SRR: variants seen among roughly 807,000 people sequenced by gnomAD.
The protein encoded by SRR is serine racemase.
SRR carries 19 observed loss-of-function variants against 32.7 expected under a neutral mutation model. That is an observed-to-expected ratio of 0.58 (90% CI 0.40 to 0.85). The LOEUF is 0.85. Ranked by LOEUF, SRR falls within the 40% of genes least tolerant of loss-of-function variation. SRR has a pLI of 0.00. For synonymous variants in SRR, 142 were observed against 140.9 expected, an observed-to-expected ratio of 1.01 and a Z score of -0.06; for missense variants, 373 against 404.7, an observed-to-expected ratio of 0.92 and a Z score of 0.67.
chr17:2,318,291 C>T (rs1046261892), intron 3 of SRR, among the ~76,000 whole-genome samples: 6 of 151,432 alleles, frequency 4.0e-5, no homozygotes, highest in African/African-American at 1.5e-4. Flanking sequence ...ACTACAGGTG[C>T]GCACCACCAC....
chr17:2,320,316 C>T (rs564534262), intron 4 of SRR, among the ~76,000 whole-genome samples: 25 of 127,854 alleles, frequency 2.0e-4, no homozygotes, highest in African/African-American at 7.2e-4. Flanking sequence ...AGTGCAGCGG[C>T]ACAATCTCGG....
At chr17:2,304,848 T>A (rs981511864) in intron 1 of SRR, among the ~76,000 whole-genome samples, 1 of 152,226 alleles carries the variant, frequency 6.6e-6, no homozygotes, top group Non-Finnish European at 1.5e-5. Flanking sequence ...GTTGACTTTT[T>A]AATTTCCCAT....
intron 4 of SRR, among the ~76,000 whole-genome samples, 199 bp downstream of exon 4, chr17:2,319,128 C>A (rs769209544): frequency 2.6e-5 from 4 of 152,116 alleles, no homozygotes; most frequent in Non-Finnish European, 5.9e-5. Context: ...TCTAACAACA[C>A]CAACTCCAAC....
chr17:2,324,423 A>G lies in SRR; in HGVS notation c.*550A>G. On this transcript the variant is annotated 3_prime_UTR_variant, in exon 8 of 8. Coordinates refer to ENST00000344595, the MANE Select transcript of SRR (RefSeq NM_021947.3). ...GGTCAAATTAAAAGTAGAAAATTTT[A>G]AAGCAATGACTTCCAACCCAACAGT... The G allele has an allele frequency of 1.2e-6, 2 of 1,603,318 alleles. No homozygotes were observed. The highest frequency in any genetic ancestry group is 1.7e-6 in the Non-Finnish European group (2 of 1,175,394).
chr17:2,303,516 T>C, upstream of SRR: 2 of 1,332,854 alleles, frequency 1.5e-6, no homozygotes, highest in Non-Finnish European at 1.9e-6. Context: ...CAGCGCCTAC[T>C]GCTGGGGGAA....
At chr17:2,314,005 T>C (rs578218528) in intron 1 of SRR, among the ~76,000 whole-genome samples, 2 of 152,264 alleles carry the variant, frequency 1.3e-5, no homozygotes, top group African/African-American at 2.4e-5. Context: ...TAAGGAAAAA[T>C]AGAGAAACTT....
chr17:2,325,214 A>T lies in SRR; in HGVS notation c.*1341A>T, dbSNP rs2075568828. On this transcript the variant is annotated 3_prime_UTR_variant, in exon 8 of 8. Coordinates refer to ENST00000344595, the MANE Select transcript of SRR (RefSeq NM_021947.3). Reference sequence around the variant, plus strand: ...AAACCATCATTACCTTCTCCATACCATTTGGCTCCCAAATTTAAATAAACA... The same window carrying T: ...AAACCATCATTACCTTCTCCATACCTTTTGGCTCCCAAATTTAAATAAACA... The T allele has an allele frequency of 2.1e-6, 2 of 943,578 alleles. No individual in the cohort carries two copies. The highest frequency in any genetic ancestry group is 4.9e-5 in the Admixed American group (2 of 40,610). 58.5% of individuals were successfully genotyped at this position (943,578 alleles called of 1,614,324 possible).
At position 2,321,371 on chromosome 17, in the gene SRR, G is replaced by A. The variant is rs1371262445; in HGVS notation, c.465G>A (p.Gln155=). The A allele has an allele frequency of 6.2e-7, 1 of 1,612,426 alleles. No homozygotes were observed. Among genetic ancestry groups the A allele is most frequent in the Non-Finnish European group, 8.5e-7 (1 of 1,179,566 alleles). Residue 155 remains glutamine, a synonymous_variant, in exon 5 of 8, where the codon CAG becomes CAA. Coordinates refer to ENST00000344595, the MANE Select transcript of SRR (RefSeq NM_021947.3). ...AAGGCATCATGGTACATCCCAACCA[G>A]GAGCCTGCAGTGATAGCTGGACAAG... ...ETEGIMVHPN[Q]EPAVIAGQGT...
chr17:2,303,691 G>A (rs2075343786), upstream of SRR: 6 of 1,496,970 alleles, frequency 4.0e-6, no homozygotes, highest in African/African-American at 4.3e-5. Flanking sequence ...CCGACGCGGA[G>A]ATCCGCACAC....
At chr17:2,307,824 A>G (rs543732070) in intron 1 of SRR, 2 of 679,648 alleles carry the variant, frequency 2.9e-6, no homozygotes, top group Non-Finnish European at 5.4e-6. Context: ...GGCAGGGCCT[A>G]GCTGCTACAA....
At position 2,321,351 on chromosome 17, in the gene SRR, A is replaced by C. The variant is rs748283499; in HGVS notation, c.445A>C (p.Ile149Leu). 6.2e-7 allele frequency: 1 copy of C among 1,613,538 alleles called. No homozygotes were observed. The highest frequency in any genetic ancestry group is 8.5e-7 in the Non-Finnish European group (1 of 1,179,858). The stretch of plus-strand genomic sequence containing the variant: ...AAGAGTTACAGAAGAAACAGAAGGC[A>C]TCATGGTACATCCCAACCAGGAGCC... ...AKRVTEETEG[I>L]MVHPNQEPAV... Residue 149 changes from isoleucine (I) to leucine (L), a missense_variant, in exon 5 of 8, where the codon ATC becomes CTC. By Grantham distance (5) the Ile-to-Leu change is conservative. Coordinates refer to ENST00000344595, the MANE Select transcript of SRR (RefSeq NM_021947.3).
chr17:2,323,189 C>T lies in SRR; in HGVS notation c.648C>T (p.Asp216=), dbSNP rs1326078851. Residue 216 remains aspartate, a synonymous_variant, in exon 7 of 8, where the codon GAC becomes GAT. Coordinates refer to ENST00000344595, the MANE Select transcript of SRR (RefSeq NM_021947.3). ...VYAAEPSNAD[D]CYQSKLKGKL... is the part of the protein sequence containing the mutation. ...CTGCTGAACCCTCAAATGCAGATGA[C>T]TGCTACCAGTCCAAGCTGAAGGGGA... The T allele has an allele frequency of 6.2e-7, 1 of 1,614,214 alleles. No individual in the cohort carries two copies. Among genetic ancestry groups the T allele is most frequent in the Non-Finnish European group, 8.5e-7 (1 of 1,180,048 alleles).
chr17:2,312,782 A>G lies in SRR; in HGVS notation c.-4-2775A>G, dbSNP rs568885977. Among the ~76,000 whole-genome samples, 4 of 152,294 alleles carry G rather than the reference A, an allele frequency of 2.6e-5. No homozygotes were observed. In the East Asian group the frequency reaches 5.8e-4, roughly 22 times the overall value. On this transcript the variant is annotated intron_variant, in intron 1 of 7. Transcript: ENST00000344595. ...TAGAAATATGTATGCCTTTTGATAC[A>G]AAATACCATTTGGTGAAATCTACCC... is the stretch of plus-strand genomic sequence containing the variant.
At chr17:2,306,764 C>G in intron 1 of SRR, 2 of 645,928 alleles carry the variant, frequency 3.1e-6, no homozygotes, top group Non-Finnish European at 2.8e-6. Context: ...ACCGCCAAGT[C>G]TAAGTCAGAG....
chr17:2,321,681 G>A, intron 6 of SRR, 65 bp downstream of exon 6: 2 of 1,441,794 alleles, frequency 1.4e-6, no homozygotes, highest in Middle Eastern at 1.8e-4. Flanking sequence ...TAAATGTTCT[G>A]TATACACGTG....
rs532697050 is a variant in SRR at position 2,304,727 on chromosome 17, C to A, written c.-5+710C>A. Among the ~76,000 whole-genome samples, 163 of 151,668 alleles carry A rather than the reference C, an allele frequency of 1.1e-3. 1 individual carries two copies. Among genetic ancestry groups the A allele is most frequent in the African/African-American group, 3.7e-3 (155 of 41,354 alleles). Reference sequence around the variant, plus strand: ...CCGAGATCGCGCCACTGCACTCCAGCCCGGGAGTCTCCAACAGAGCGAGAC... The same window carrying A: ...CCGAGATCGCGCCACTGCACTCCAGACCGGGAGTCTCCAACAGAGCGAGAC... On this transcript the variant is annotated intron_variant, in intron 1 of 7. Coordinates refer to ENST00000344595, the MANE Select transcript of SRR (RefSeq NM_021947.3).
upstream of SRR, chr17:2,303,856 G>A: frequency 1.5e-6 from 1 of 668,602 alleles, no homozygotes; most frequent in Non-Finnish European, 2.3e-6. Context: ...CTTTCCGAAC[G>A]ACGGTGGCCG....
At chr17:2,307,650 C>T in intron 1 of SRR, 1 of 970,666 alleles carries the variant, frequency 1.0e-6, no homozygotes, top group East Asian at 2.4e-5. Context: ...CTTTACCAAA[C>T]CACGAAACCA....
chr17:2,315,240 CAA>C (rs397856755), intron 1 of SRR: 278 of 61,284 alleles, frequency 4.5e-3, no homozygotes, highest in East Asian at 0.011. Flanking sequence ...GACTCCGTCT[CAA>C]AAAAAAAAAA....
Sources: gnomAD v4.1 joint callset for allele counts (sites outside exome capture counted in the v4.1 genomes callset) on GRCh38, gnomAD v4.1.1 for gene constraint, MANE v1.5 for transcripts, NCBI Gene and HGNC (gene_info 2026-07-23, HGNC 2026-07-21) for gene names.